The following USP32 variants were observed in gnomAD, a reference collection of about 807,000 sequenced individuals.
The protein encoded by USP32 is ubiquitin carboxyl-terminal hydrolase 32.
Under a neutral mutation model 204.8 loss-of-function variants are expected in USP32, and 59 were observed. That is an observed-to-expected ratio of 0.29 (90% CI 0.23 to 0.36). USP32 has a LOEUF of 0.36. Among genes scored for constraint, USP32 ranks in the 10% least tolerant of loss-of-function variants. USP32 has a pLI of 1.00. For missense variants in USP32, 1,160 were observed against 1,946.4 expected (o/e 0.60, Z 7.60); for synonymous variants, 517 against 678.4 (o/e 0.76, Z 3.70).
intron 29 of USP32, 28 bp from the exon 30 acceptor site, chr17:60,185,679 G>C (rs544882870): frequency 6.3e-7 from 1 of 1,593,432 alleles, no homozygotes; most frequent in Non-Finnish European, 8.6e-7. Flanking sequence ...AGGAGGAAAG[G>C]GGTGCGTGGG....
chr17:60,355,458 T>C (rs1385274810), intron 1 of USP32, among the ~76,000 whole-genome samples: 1 of 152,178 alleles, frequency 6.6e-6, no homozygotes, highest in African/African-American at 2.4e-5. Flanking sequence ...AATCCATTCT[T>C]CTAAAAAAGC....
At chr17:60,386,356 T>A (rs767879834) in intron 1 of USP32, among the ~76,000 whole-genome samples, 22 of 133,052 alleles carry the variant, frequency 1.7e-4, no homozygotes, top group African/African-American at 5.9e-4. Context: ...AATTTTTAGT[T>A]CATAAATTAA....
chr17:60,255,529 A>G (rs988269445), intron 9 of USP32, among the ~76,000 whole-genome samples: 2 of 151,956 alleles, frequency 1.3e-5, no homozygotes, highest in Admixed American at 1.3e-4. Context: ...TGAACTCCTG[A>G]CCTCGTGATC....
intron 1 of USP32, among the ~76,000 whole-genome samples, chr17:60,349,629 T>TAC (rs1310372058): frequency 1.0e-5 from 1 of 97,814 alleles, no homozygotes; most frequent in Non-Finnish European, 1.8e-5. Flanking sequence ...ATATATTATA[T>TAC]ATATATATAT....
intron 33 of USP32, among the ~76,000 whole-genome samples, chr17:60,179,891 C>T (rs2084058010): frequency 1.3e-5 from 2 of 152,096 alleles, no homozygotes; most frequent in Admixed American, 6.6e-5. Context: ...AGGATGGTCT[C>T]GATCTCCTGA....
chr17:60,211,734 A>G (rs1273204522), intron 19 of USP32, among the ~76,000 whole-genome samples: 2 of 152,120 alleles, frequency 1.3e-5, no homozygotes, highest in Non-Finnish European at 2.9e-5. Flanking sequence ...AGCAGCAATT[A>G]TTCTTTTTAA....
intron 32 of USP32, 108 bp from the exon 33 acceptor site, chr17:60,180,745 G>C: frequency 8.8e-7 from 1 of 1,142,522 alleles, no homozygotes; most frequent in South Asian, 1.5e-5. Context: ...ATGATCAGTA[G>C]GTGAAAAAAT....
intron 11 of USP32, among the ~76,000 whole-genome samples, chr17:60,239,609 T>C (rs530931168): frequency 3.8e-4 from 58 of 152,278 alleles, no homozygotes; most frequent in African/African-American, 1.3e-3. Flanking sequence ...ACCCCTCTAA[T>C]AGATTTCTCA....
At chr17:60,408,178 G>A (rs2089993216) in intron 1 of USP32, among the ~76,000 whole-genome samples, 1 of 151,930 alleles carries the variant, frequency 6.6e-6, no homozygotes, top group Non-Finnish European at 1.5e-5. Context: ...CAAGAAGCAG[G>A]GGGGAAAAAT....
chr17:60,186,153 A>G (rs1332143779), intron 29 of USP32, among the ~76,000 whole-genome samples: 1 of 152,230 alleles, frequency 6.6e-6, no homozygotes, highest in Non-Finnish European at 1.5e-5. Context: ...TTCTGGATAA[A>G]ATTTCTATTT....
At chr17:60,222,288 G>T in intron 15 of USP32, 121 bp downstream of exon 15, 1 of 1,155,804 alleles carries the variant, frequency 8.7e-7, no homozygotes, top group Non-Finnish European at 1.2e-6. Context: ...CACAGGTTCA[G>T]AACACTCTTC....
At chr17:60,295,317 G>A (rs1236947409) in intron 3 of USP32, among the ~76,000 whole-genome samples, 1 of 151,678 alleles carries the variant, frequency 6.6e-6, no homozygotes, top group Non-Finnish European at 1.5e-5. Context: ...CTACATAGAA[G>A]TTAAAATATG....
chr17:60,416,075 T>C (rs1372877169), intron 1 of USP32, among the ~76,000 whole-genome samples: 1 of 152,136 alleles, frequency 6.6e-6, no homozygotes, highest in Non-Finnish European at 1.5e-5. Flanking sequence ...CTTGACCTCA[T>C]GATCTGCCCG....
chr17:60,379,065 T>C (rs1046491500), intron 1 of USP32, among the ~76,000 whole-genome samples: 9 of 152,190 alleles, frequency 5.9e-5, no homozygotes, highest in Admixed American at 5.9e-4. Context: ...ACAATAATCC[T>C]AGTAAGACAT....
intron 1 of USP32, among the ~76,000 whole-genome samples, chr17:60,352,319 A>C (rs1461436063): frequency 6.6e-6 from 1 of 152,268 alleles, no homozygotes; most frequent in East Asian, 1.9e-4. Context: ...CTGCATCTCC[A>C]GCAGCCATTT....
chr17:60,272,748 G>A (rs1248877342), intron 5 of USP32, among the ~76,000 whole-genome samples: 3 of 152,212 alleles, frequency 2.0e-5, no homozygotes, highest in Admixed American at 6.5e-5. Context: ...AACAAGGGAT[G>A]AGTACTGTAA....
chr17:60,256,805 T>G, intron 9 of USP32: 1 of 1,143,572 alleles, frequency 8.7e-7, no homozygotes. Flanking sequence ...GGGTTTGAAT[T>G]CATACTTATA....
chr17:60,224,655 C>A (rs1228382711), intron 13 of USP32, among the ~76,000 whole-genome samples: 1 of 152,174 alleles, frequency 6.6e-6, no homozygotes, highest in African/African-American at 2.4e-5. Context: ...TGGCAGTGTA[C>A]ACCTGTAGTC....
At chr17:60,277,918 C>CA (rs528571060) in intron 5 of USP32, among the ~76,000 whole-genome samples, 1 of 132,714 alleles carries the variant, frequency 7.5e-6, no homozygotes, top group African/African-American at 2.9e-5. Context: ...ATAATAGTTC[C>CA]TTTTTTTTTT....
Sources: gnomAD v4.1 joint callset for allele counts (sites outside exome capture counted in the v4.1 genomes callset) on GRCh38, gnomAD v4.1.1 for gene constraint, MANE v1.5 for transcripts, NCBI Gene and HGNC (gene_info 2026-07-23, HGNC 2026-07-21) for gene names.